THRAP3: variants seen among roughly 807,000 people sequenced by gnomAD.
The protein encoded by THRAP3 is thyroid hormone receptor-associated protein 3.
A neutral mutation model predicts 101.0 loss-of-function variants in THRAP3; 16 were observed. The ratio of observed to expected loss-of-function variants is 0.16; its 90% CI spans 0.11 to 0.24. The LOEUF is 0.24. THRAP3 is among the 10% of genes least tolerant of loss of function. The pLI is 1.00. For synonymous variants in THRAP3, 407 were observed against 422.6 expected, an observed-to-expected ratio of 0.96 and a Z score of 0.45; for missense variants, 989 against 1,202.7, an observed-to-expected ratio of 0.82 and a Z score of 2.63.
chr1:36,269,018 G>A lies in THRAP3; in HGVS notation c.-32+9534G>A, dbSNP rs1438623658. On this transcript the variant is annotated intron_variant, in intron 2 of 11. Transcript: ENST00000354618. The stretch of plus-strand genomic sequence containing the variant: ...TGGGATTACAGGTATGAGCCACCGC[G>A]CCCAGCCGAGTTAGTTTTTTAATCT... 2.6e-5 allele frequency among the ~76,000 whole-genome samples: 4 copies of A among 152,290 alleles called. No homozygotes were observed. In the East Asian group the frequency reaches 5.8e-4, roughly 22 times the overall value.
upstream of THRAP3, among the ~76,000 whole-genome samples, chr1:36,222,981 T>C (rs1644914316): frequency 6.6e-6 from 1 of 151,970 alleles, no homozygotes; most frequent in African/African-American, 2.4e-5. Context: ...GTAGAAAAAT[T>C]AGCCGGGTGG....
At chr1:36,263,620 A>G (rs761413333) in intron 2 of THRAP3, among the ~76,000 whole-genome samples, 141 of 152,186 alleles carry the variant, frequency 9.3e-4, no homozygotes, top group Non-Finnish European at 1.7e-3. Context: ...GGCTAAAATT[A>G]CTGTTACTGT....
intron 1 of THRAP3, among the ~76,000 whole-genome samples, chr1:36,256,290 A>G (rs1304685633): frequency 1.3e-5 from 2 of 151,408 alleles, no homozygotes; most frequent in African/African-American, 4.9e-5. Context: ...CAGTGGCGCA[A>G]TCTTGGCTCA....
chr1:36,303,112 ATTTTTTTT>A (rs397936228), intron 11 of THRAP3, among the ~76,000 whole-genome samples: 45 of 125,158 alleles, frequency 3.6e-4, no homozygotes, highest in African/African-American at 1.1e-3. Flanking sequence ...TGCCTGGCTA[ATTTTTTTT>A]TTTTTTTTTT....
chr1:36,284,548 C>T (rs1442476412), intron 3 of THRAP3, among the ~76,000 whole-genome samples: 1 of 152,206 alleles, frequency 6.6e-6, no homozygotes, highest in Non-Finnish European at 1.5e-5. Flanking sequence ...GAAACCATGC[C>T]TTTAAATTAA....
Position 36,292,726 on chromosome 1 carries a change from T to TA in THRAP3, c.2030+18dup. 1 of 1,568,490 alleles carries TA rather than the reference T, an allele frequency of 6.4e-7. No homozygotes were observed. The highest frequency in any genetic ancestry group is 2.2e-5 in the East Asian group (1 of 44,488). ...GATACACAGGTAAGGACCATGGCCT[T>TA]ATACTGGAGGTTGTAATAAAAGACT... On this transcript the variant is annotated intron_variant, in intron 7 of 11. Coordinates refer to ENST00000354618, the MANE Select transcript of THRAP3 (RefSeq NM_005119.4).
At chr1:36,208,306 G>A in the THRAP3 span, among the ~76,000 whole-genome samples, 1 of 152,160 alleles carries the variant, frequency 6.6e-6, no homozygotes, top group African/African-American at 2.4e-5. Flanking sequence ...TTGTCATATG[G>A]ATGAGAAAAC....
intron 9 of THRAP3, among the ~76,000 whole-genome samples, chr1:36,297,882 C>A (rs1645973010): frequency 6.6e-6 from 1 of 151,448 alleles, no homozygotes; most frequent in African/African-American, 2.4e-5. Context: ...TGTAGTGGCT[C>A]ATGCCTGTAA....
At chr1:36,274,881 T>TG (rs1343466526) in intron 2 of THRAP3, among the ~76,000 whole-genome samples, 2 of 151,000 alleles carry the variant, frequency 1.3e-5, no homozygotes. Flanking sequence ...TCCACCCGCC[T>TG]TGGCCTCCCA....
chr1:36,219,191 C>T, the THRAP3 span, among the ~76,000 whole-genome samples: 1 of 152,060 alleles, frequency 6.6e-6, no homozygotes, highest in Non-Finnish European at 1.5e-5. Flanking sequence ...TAATCTAGAA[C>T]AAGGCTCCAA....
At chr1:36,214,551 A>G in the THRAP3 span, among the ~76,000 whole-genome samples, 2 of 152,162 alleles carry the variant, frequency 1.3e-5, no homozygotes, top group African/African-American at 4.8e-5. Context: ...ACTGTACCAT[A>G]GTAATCCTTT....
At chr1:36,303,263 C>T (rs932541479) in intron 11 of THRAP3, among the ~76,000 whole-genome samples, 1 of 152,028 alleles carries the variant, frequency 6.6e-6, no homozygotes, top group Non-Finnish European at 1.5e-5. Context: ...TGCACCCAGC[C>T]GCATTGCCTC....
intron 1 of THRAP3, among the ~76,000 whole-genome samples, chr1:36,227,758 T>C (rs1365369498): frequency 6.6e-6 from 1 of 151,972 alleles, no homozygotes; most frequent in African/African-American, 2.4e-5. Context: ...GATTGGAGGG[T>C]AAGTAGGTTT....
At chr1:36,248,904 C>CT (rs752119832) in intron 1 of THRAP3, among the ~76,000 whole-genome samples, 4,872 of 143,942 alleles carry the variant, frequency 0.034, 119 homozygotes, top group Middle Eastern at 0.053. Context: ...TTCTTTCTTT[C>CT]TTTTTTTTTT....
At chr1:36,228,538 A>G (rs754069936) in intron 1 of THRAP3, among the ~76,000 whole-genome samples, 2 of 152,144 alleles carry the variant, frequency 1.3e-5, no homozygotes, top group Non-Finnish European at 2.9e-5. Context: ...TATTTTTAGT[A>G]GAGACGGGGT....
Position 36,304,223 on chromosome 1 carries a change from GC to G in THRAP3, c.*209del. The G allele has an allele frequency of 1.5e-6, 1 of 653,270 alleles. No homozygotes were observed. Among genetic ancestry groups the G allele is most frequent in the Non-Finnish European group, 2.3e-6 (1 of 426,156 alleles). The allele number at this position is 653,270 out of a possible 1,614,324, so 40.5% of individuals were successfully genotyped here. ...GCTGGCCATGGGGCCCAGGGGTCAG[GC>G]CCAGCTTTTGAGCAGAATACAACGC... On this transcript the variant is annotated 3_prime_UTR_variant, in exon 12 of 12. Transcript: ENST00000354618.
At chr1:36,248,920 G>T (rs1466583225) in intron 1 of THRAP3, among the ~76,000 whole-genome samples, 4 of 149,526 alleles carry the variant, frequency 2.7e-5, no homozygotes, top group South Asian at 4.2e-4. Flanking sequence ...TTTTTTTGGA[G>T]ACAGTGTCTT....
intron 2 of THRAP3, among the ~76,000 whole-genome samples, chr1:36,274,669 G>A (rs904258815): frequency 1.1e-5 from 1 of 91,242 alleles, no homozygotes; most frequent in Non-Finnish European, 2.0e-5. Flanking sequence ...TTTTGCTCTT[G>A]TCACCCAGAC....
At chr1:36,240,838 T>G (rs879447898) in intron 1 of THRAP3, among the ~76,000 whole-genome samples, 5 of 152,234 alleles carry the variant, frequency 3.3e-5, no homozygotes, top group Non-Finnish European at 7.3e-5. Context: ...CCTGCTACTT[T>G]AAACAATTTT....
Sources: allele counts gnomAD v4.1 joint callset (sites outside exome capture counted in the v4.1 genomes callset), GRCh38; gene constraint gnomAD v4.1.1; transcripts MANE v1.5; gene names NCBI Gene and HGNC (gene_info 2026-07-23, HGNC 2026-07-21).